The following SGCZ variants were observed in gnomAD, a reference collection of about 807,000 sequenced individuals.
The protein encoded by SGCZ is zeta-sarcoglycan.
In SGCZ, 40 loss-of-function variants were observed where a neutral mutation model predicts 41.3. The observed-to-expected ratio is 0.97, with a 90% CI of 0.75 to 1.26. The LOEUF is 1.26. Among genes scored for constraint, SGCZ ranks in the 50% most tolerant of loss-of-function variants. The pLI, the probability that SGCZ is intolerant of heterozygous loss-of-function variation, is 0.00. For missense variants in SGCZ, 552 were observed against 369.8 expected, an observed-to-expected ratio of 1.49 and a Z score of -4.04; for synonymous variants, 206 against 137.5, an observed-to-expected ratio of 1.50 and a Z score of -3.49.
intron 1 of SGCZ, among the ~76,000 whole-genome samples, chr8:15,151,470 T>C (rs268379): frequency 0.87 from 132,321 of 152,260 alleles, 57,505 homozygotes; most frequent in South Asian, 0.89. Context: ...CAGTGAAAAG[T>C]TGGAAAATAT....
intron 3 of SGCZ, among the ~76,000 whole-genome samples, chr8:14,271,712 G>A (rs1800065348): frequency 6.6e-6 from 1 of 152,128 alleles, no homozygotes; most frequent in Non-Finnish European, 1.5e-5. Context: ...TTTATATCCT[G>A]ACTTGCTCTG....
chr8:14,795,440 TTTG>T (rs1396882920), intron 1 of SGCZ, among the ~76,000 whole-genome samples: 1 of 152,030 alleles, frequency 6.6e-6, no homozygotes, highest in African/African-American at 2.4e-5. Flanking sequence ...TTTTTTTTCA[TTTG>T]TTTGTTTTTG....
At chr8:14,340,715 C>A (rs1802672989) in intron 2 of SGCZ, among the ~76,000 whole-genome samples, 1 of 152,104 alleles carries the variant, frequency 6.6e-6, no homozygotes, top group Non-Finnish European at 1.5e-5. Flanking sequence ...GCTAGAAAAT[C>A]TCTGATAAAT....
chr8:14,834,127 C>A (rs1802619088), intron 1 of SGCZ, among the ~76,000 whole-genome samples: 2 of 151,798 alleles, frequency 1.3e-5, no homozygotes, highest in South Asian at 2.1e-4. Flanking sequence ...TTTCATGATC[C>A]GTGATTCTCA....
At chr8:14,207,741 T>G in intron 4 of SGCZ, among the ~76,000 whole-genome samples, 1 of 152,230 alleles carries the variant, frequency 6.6e-6, no homozygotes, top group South Asian at 2.1e-4. Flanking sequence ...AAGGAATATT[T>G]ACATTTCATT....
chr8:14,567,075 A>C (rs1804391633), intron 1 of SGCZ, among the ~76,000 whole-genome samples: 1 of 152,126 alleles, frequency 6.6e-6, no homozygotes, highest in Non-Finnish European at 1.5e-5. Flanking sequence ...GCTGCCTCCC[A>C]GTGGGGCAGG....
At chr8:14,158,172 C>G (rs1803934233) in intron 5 of SGCZ, among the ~76,000 whole-genome samples, 1 of 151,674 alleles carries the variant, frequency 6.6e-6, no homozygotes, top group Non-Finnish European at 1.5e-5. Context: ...GAAGAAAAAA[C>G]AAGCCTAGAG....
intron 1 of SGCZ, among the ~76,000 whole-genome samples, chr8:14,714,484 A>G (rs997501886): frequency 3.3e-5 from 5 of 152,190 alleles, no homozygotes; most frequent in Middle Eastern, 3.2e-3. Flanking sequence ...GCTATATGGA[A>G]TATTTTTTTT....
At chr8:14,934,793 G>A (rs1305894415) in intron 1 of SGCZ, among the ~76,000 whole-genome samples, 2 of 151,110 alleles carry the variant, frequency 1.3e-5, no homozygotes, top group African/African-American at 4.9e-5. Context: ...AACAAAAAAG[G>A]CAGGAAAAAT....
intron 1 of SGCZ, among the ~76,000 whole-genome samples, chr8:15,086,259 C>G (rs1374389350): frequency 2.6e-5 from 4 of 152,056 alleles, no homozygotes; most frequent in Non-Finnish European, 2.9e-5. Flanking sequence ...TCTCTGTGTT[C>G]AGAAATCAGG....
intron 1 of SGCZ, among the ~76,000 whole-genome samples, chr8:15,024,914 C>T (rs1018147548): frequency 4.0e-5 from 6 of 149,048 alleles, no homozygotes; most frequent in African/African-American, 7.4e-5. Context: ...CCAGCCTGGG[C>T]GACAGAGTGA....
intron 1 of SGCZ, among the ~76,000 whole-genome samples, chr8:14,794,364 T>C (rs547363306): frequency 2.6e-5 from 4 of 152,176 alleles, no homozygotes; most frequent in African/African-American, 9.6e-5. Flanking sequence ...GAAAATATAC[T>C]GCAGGATTAT....
At chr8:15,057,148 T>C (rs1028363307) in intron 1 of SGCZ, among the ~76,000 whole-genome samples, 2 of 152,182 alleles carry the variant, frequency 1.3e-5, no homozygotes, top group Non-Finnish European at 2.9e-5. Flanking sequence ...CACAGCACTT[T>C]CAGGGGAAGA....
intron 1 of SGCZ, among the ~76,000 whole-genome samples, chr8:14,898,535 A>C (rs1380101907): frequency 6.6e-6 from 1 of 152,202 alleles, no homozygotes; most frequent in East Asian, 1.9e-4. Context: ...TTTCAGTTTC[A>C]GCATGAAGAA....
intron 1 of SGCZ, among the ~76,000 whole-genome samples, chr8:14,969,069 T>G (rs771922691): frequency 1.3e-5 from 2 of 152,134 alleles, no homozygotes; most frequent in African/African-American, 4.8e-5. Context: ...TTGAGAAATA[T>G]GTAAAGCTAT....
At chr8:15,039,239 G>A (rs1377570660) in intron 1 of SGCZ, among the ~76,000 whole-genome samples, 1 of 152,100 alleles carries the variant, frequency 6.6e-6, no homozygotes, top group African/African-American at 2.4e-5. Context: ...AGTGTCAATT[G>A]ATGGATGGAT....
intron 4 of SGCZ, among the ~76,000 whole-genome samples, chr8:14,174,201 A>G (rs1441061878): frequency 6.6e-6 from 1 of 152,146 alleles, no homozygotes; most frequent in Non-Finnish European, 1.5e-5. Flanking sequence ...CAAAATTGAA[A>G]CACTTTACCT....
intron 3 of SGCZ, among the ~76,000 whole-genome samples, chr8:14,302,733 A>T (rs185390555): frequency 1.5e-4 from 23 of 152,308 alleles, no homozygotes; most frequent in African/African-American, 4.6e-4. Flanking sequence ...ACTATATTTT[A>T]TAAGGAAGTA....
At chr8:14,916,368 C>G (rs527390102) in intron 1 of SGCZ, among the ~76,000 whole-genome samples, 4 of 152,006 alleles carry the variant, frequency 2.6e-5, no homozygotes, top group African/African-American at 9.7e-5. Context: ...ACCTCAAATA[C>G]AAAGAAATAT....
Sources: allele counts gnomAD v4.1 joint callset (sites outside exome capture counted in the v4.1 genomes callset), GRCh38; gene constraint gnomAD v4.1.1; transcripts MANE v1.5; gene names NCBI Gene and HGNC (gene_info 2026-07-23, HGNC 2026-07-21).